ROR2: variants seen among roughly 807,000 people sequenced by gnomAD.
The protein encoded by ROR2 is tyrosine-protein kinase transmembrane receptor ROR2.
In ROR2, 33 loss-of-function variants were observed where a neutral mutation model predicts 74.9. That is an observed-to-expected ratio of 0.44 (90% CI 0.33 to 0.59). The LOEUF (loss-of-function observed/expected upper bound fraction) is 0.59, where lower values mean the gene tolerates loss of function less well. Among genes scored for constraint, ROR2 ranks in the 20% least tolerant of loss-of-function variants. ROR2 has a pLI of 0.02. For missense variants in ROR2, 1,216 were observed against 1,313.8 expected (o/e 0.93, Z 1.15); for synonymous variants, 586 against 558.7 (o/e 1.05, Z -0.69).
intron 1 of ROR2, among the ~76,000 whole-genome samples, chr9:91,918,546 T>C (rs1007965847): frequency 6.6e-6 from 1 of 152,210 alleles, no homozygotes; most frequent in Admixed American, 6.5e-5. Flanking sequence ...TTTTTGTAGG[T>C]TGAAACGGGC....
intron 1 of ROR2, among the ~76,000 whole-genome samples, chr9:91,909,847 GTTTTTTTTTTTT>G (rs71362365): frequency 1.9e-5 from 1 of 53,598 alleles, no homozygotes; most frequent in East Asian, 6.7e-4. Flanking sequence ...GGTTTGTTTT[GTTTTTTTTTTTT>G]TTTTTTTTTT....
At chr9:91,819,586 G>A (rs1167621981) in intron 1 of ROR2, among the ~76,000 whole-genome samples, 2 of 151,168 alleles carry the variant, frequency 1.3e-5, no homozygotes, top group Admixed American at 6.6e-5. Context: ...GTGTGTCTCT[G>A]AGTGTTCTGT....
chr9:91,854,008 T>TC lies in ROR2; in HGVS notation c.98-78191_98-78190insG, dbSNP rs1554683559. Among the ~76,000 whole-genome samples the TC allele has an allele frequency of 7.2e-5, 11 of 151,808 alleles. 1 individual carries two copies. Among genetic ancestry groups the TC allele is most frequent in the African/African-American group, 2.7e-4 (11 of 41,304 alleles). ...TTTGGGAGATGAAGCCAGGGGGCCCTGAAGTGGAGTAGGAAGGAGAGGAGA... is the reference window on the plus strand; with the variant it reads ...TTTGGGAGATGAAGCCAGGGGGCCCTCGAAGTGGAGTAGGAAGGAGAGGAGA... On this transcript the variant is annotated intron_variant, in intron 1 of 8. Coordinates refer to ENST00000375708, the MANE Select transcript of ROR2 (RefSeq NM_004560.4).
rs184190061 is a variant in ROR2 at position 91,737,210 on chromosome 9, G to C, written c.622+181C>G. On this transcript the variant is annotated intron_variant, in intron 5 of 8. Transcript: ENST00000375708. Reference sequence around the variant, plus strand: ...ACATACAGGCCAGGAACATTTTTAGGGCAAATCATGTTAGCAATTGCCACT... The same window carrying C: ...ACATACAGGCCAGGAACATTTTTAGCGCAAATCATGTTAGCAATTGCCACT... 1.6e-3 allele frequency among the ~76,000 whole-genome samples: 238 copies of C among 152,252 alleles called. 2 individuals carry two copies. Among genetic ancestry groups the C allele is most frequent in the Non-Finnish European group, 1.8e-3 (124 of 68,028 alleles).
chr9:91,819,997 T>C (rs984820614), intron 1 of ROR2, among the ~76,000 whole-genome samples: 10 of 152,154 alleles, frequency 6.6e-5, no homozygotes, highest in Non-Finnish European at 1.3e-4. Flanking sequence ...TCTGTACCCG[T>C]GTGTGTCTGT....
At chr9:91,934,787 T>C (rs1236051619) in intron 1 of ROR2, among the ~76,000 whole-genome samples, 3 of 152,166 alleles carry the variant, frequency 2.0e-5, no homozygotes, top group East Asian at 3.8e-4. Context: ...TGAACCTTAT[T>C]TGAACTCTGA....
At chr9:91,749,814 A>G (rs1441409427) in intron 4 of ROR2, among the ~76,000 whole-genome samples, 3 of 152,250 alleles carry the variant, frequency 2.0e-5, no homozygotes, top group African/African-American at 4.8e-5. Context: ...TTATACCAGC[A>G]TAAAAATAAA....
intron 1 of ROR2, among the ~76,000 whole-genome samples, chr9:91,854,976 A>T (rs1829230617): frequency 6.6e-6 from 1 of 152,230 alleles, no homozygotes; most frequent in African/African-American, 2.4e-5. Flanking sequence ...TAGTAAAGGC[A>T]AATGAAAAGA....
In ROR2 at chr9:91,744,843, C is replaced by T. The variant is rs144705639; in HGVS notation, c.495-7325G>A. Among the ~76,000 whole-genome samples, 46 of 152,276 alleles carry T rather than the reference C, an allele frequency of 3.0e-4. 1 individual carries two copies. In the East Asian group the frequency reaches 6.6e-3, roughly 22 times the overall value. On this transcript the variant is annotated intron_variant, in intron 4 of 8. Transcript: ENST00000375708. ...GGGAAGTAAATTTTATTTTCCCCTACGCTGTTCAGGTGGCTAGTCCCTCCC... is the reference window on the plus strand; with the variant it reads ...GGGAAGTAAATTTTATTTTCCCCTATGCTGTTCAGGTGGCTAGTCCCTCCC...
intron 1 of ROR2, among the ~76,000 whole-genome samples, chr9:91,823,235 T>C (rs766004390): frequency 6.6e-6 from 1 of 152,150 alleles, no homozygotes; most frequent in Non-Finnish European, 1.5e-5. Flanking sequence ...GGTGCTGCCA[T>C]TATGGAGAAT....
intron 1 of ROR2, among the ~76,000 whole-genome samples, chr9:91,937,266 C>T (rs1370639815): frequency 6.6e-6 from 1 of 152,050 alleles, no homozygotes; most frequent in Admixed American, 6.6e-5. Context: ...TGAGTGGAGG[C>T]TTTCATGATC....
In ROR2 at chr9:91,743,570, C is replaced by CA. The variant is rs541461789; in HGVS notation, c.495-6053dup. ...TGGGTGACAGAGTAGGACTCCATCT[C>CA]AAAAAAAAAGAAAAAAGAAAAGAAA... On this transcript the variant is annotated intron_variant, in intron 4 of 8. Transcript: ENST00000375708. 1.5e-4 allele frequency among the ~76,000 whole-genome samples: 22 copies of CA among 148,004 alleles called. No homozygotes were observed. The South Asian group carries it at 2.6e-3, about 17-fold the overall frequency.
At position 91,864,609 on chromosome 9, in the gene ROR2, A is replaced by G. The variant is rs556622233; in HGVS notation, c.97+85258T>C. On this transcript the variant is annotated intron_variant, in intron 1 of 8. Transcript: ENST00000375708. ...GCAACACAAATCAAGACAATCAGCA[A>G]CCCTGCCAGAGCGATCACTCACACC... Among the ~76,000 whole-genome samples, 9 of 152,300 alleles carry G rather than the reference A, an allele frequency of 5.9e-5. No individual in the cohort carries two copies. The South Asian group carries it at 1.9e-3, about 32-fold the overall frequency.
chr9:91,942,673 G>T (rs978202049), intron 1 of ROR2, among the ~76,000 whole-genome samples: 1 of 152,048 alleles, frequency 6.6e-6, no homozygotes, highest in Non-Finnish European at 1.5e-5. Flanking sequence ...TAGTAATAAG[G>T]AACATGAGAT....
intron 1 of ROR2, among the ~76,000 whole-genome samples, chr9:91,936,576 A>T (rs1831695248): frequency 6.6e-6 from 1 of 152,192 alleles, no homozygotes; most frequent in Non-Finnish European, 1.5e-5. Flanking sequence ...GGACTTCAAC[A>T]TATCTTCTTT....
chr9:91,931,185 A>T (rs1358094839), intron 1 of ROR2, among the ~76,000 whole-genome samples: 1 of 152,256 alleles, frequency 6.6e-6, no homozygotes, highest in Non-Finnish European at 1.5e-5. Flanking sequence ...AACTCCAAAT[A>T]AAACTATTTG....
chr9:91,855,603 G>T (rs796832420), intron 1 of ROR2, among the ~76,000 whole-genome samples: 7 of 152,254 alleles, frequency 4.6e-5, no homozygotes, highest in African/African-American at 1.4e-4. Flanking sequence ...ACACCCAGGG[G>T]CAATCAGCCT....
At chr9:91,823,161 T>A (rs1156679681) in intron 1 of ROR2, among the ~76,000 whole-genome samples, 1 of 152,086 alleles carries the variant, frequency 6.6e-6, no homozygotes, top group Non-Finnish European at 1.5e-5. Flanking sequence ...TGGAGAAAGG[T>A]GAATATCAAG....
chr9:91,753,853 AT>A (rs1378113449), intron 4 of ROR2, among the ~76,000 whole-genome samples: 1 of 152,218 alleles, frequency 6.6e-6, no homozygotes, highest in African/African-American at 2.4e-5. Context: ...TTTTAAAAAT[AT>A]TTTTGTGTTT....
Sources: gnomAD v4.1 joint callset for allele counts (sites outside exome capture counted in the v4.1 genomes callset) on GRCh38, gnomAD v4.1.1 for gene constraint, MANE v1.5 for transcripts, NCBI Gene and HGNC (gene_info 2026-07-23, HGNC 2026-07-21) for gene names.